ACOT11: variants seen among roughly 807,000 people sequenced by gnomAD.
ACOT11 encodes the protein acyl-CoA thioesterase 11.
In ACOT11, 69 loss-of-function variants were observed where a neutral mutation model predicts 77.5. That is an observed-to-expected ratio of 0.89 (90% CI 0.73 to 1.09). The LOEUF is 1.09. ACOT11 is among the 50% of genes least tolerant of loss of function. The probability of loss-of-function intolerance (pLI) is 0.00; values close to 1 mark genes in which losing one functional copy is unlikely to be tolerated. For missense variants in ACOT11, 766 were observed against 813.7 expected (o/e 0.94, Z 0.71); for synonymous variants, 279 against 313.0 (o/e 0.89, Z 1.15).
At chr1:54,629,644 A>T (rs1644289806) in intron 15 of ACOT11, among the ~76,000 whole-genome samples, 1 of 128,898 alleles carries the variant, frequency 7.8e-6, no homozygotes, top group South Asian at 2.6e-4. Flanking sequence ...GAGTGCAATG[A>T]TGTGTTCATG....
chr1:54,567,562 A>G (rs1439360752), intron 1 of ACOT11, among the ~76,000 whole-genome samples: 1 of 152,120 alleles, frequency 6.6e-6, no homozygotes, highest in African/African-American at 2.4e-5. Context: ...TACAGGCGTG[A>G]GCCACTGTGC....
chr1:54,612,592 G>A (rs1221868250), downstream of ACOT11: 2 of 1,614,116 alleles, frequency 1.2e-6, no homozygotes, highest in East Asian at 4.5e-5. Flanking sequence ...ACCAGCTCGT[G>A]CATCTTCTCC....
At chr1:54,575,458 G>C (rs997964494) in intron 1 of ACOT11, among the ~76,000 whole-genome samples, 1 of 152,146 alleles carries the variant, frequency 6.6e-6, no homozygotes, top group Non-Finnish European at 1.5e-5. Context: ...TCTAGAATGG[G>C]GTGAGGGGGC....
At chr1:54,581,382 G>A (rs551091931) in intron 1 of ACOT11, among the ~76,000 whole-genome samples, 9 of 152,296 alleles carry the variant, frequency 5.9e-5, no homozygotes, top group Middle Eastern at 3.4e-3. Context: ...AGAAGGAGCC[G>A]TGGCCCAGCA....
chr1:54,569,221 C>T (rs1653850780), intron 1 of ACOT11, among the ~76,000 whole-genome samples: 1 of 151,854 alleles, frequency 6.6e-6, no homozygotes, highest in South Asian at 2.1e-4. Context: ...CTCAGCCTCC[C>T]AAAGTGCTGG....
rs1654799871 is a variant in ACOT11, at chr1:54,593,836, AGGCCT to A, written c.373-97_373-93del. The A allele has an allele frequency of 7.5e-5, 69 of 920,620 alleles. 2 individuals are homozygous for A. In the South Asian group the frequency reaches 1.0e-3, roughly 14 times the overall value. 57.0% of individuals were successfully genotyped at this position (920,620 alleles called of 1,614,324 possible). A position where few individuals can be genotyped will look rare whatever the true frequency, so the allele number is the denominator to read the frequency against. On this transcript the variant is annotated intron_variant, in intron 4 of 15. Transcript: ENST00000343744. The stretch of plus-strand genomic sequence containing the variant: ...CTGGTAGGTGGTGCAGAAACTCTGG[AGGCCT>A]GGCCTGGGCTGGGACTTGCTGTCTG...
chr1:54,557,391 CAAAAAAAAAAA>C (rs71045195), intron 1 of ACOT11, among the ~76,000 whole-genome samples: 1 of 98,258 alleles, frequency 1.0e-5, no homozygotes, highest in Non-Finnish European at 2.1e-5. Flanking sequence ...GATTCCATCT[CAAAAAAAAAAA>C]AAAAAAAGAA....
intron 15 of ACOT11, among the ~76,000 whole-genome samples, chr1:54,625,993 G>T (rs1008854050): frequency 1.3e-5 from 2 of 151,504 alleles, no homozygotes; most frequent in African/African-American, 2.4e-5. Flanking sequence ...CAGCATGGTG[G>T]CTCACACCTG....
chr1:54,630,414 G>A (rs900186456), intron 15 of ACOT11, among the ~76,000 whole-genome samples: 5 of 152,174 alleles, frequency 3.3e-5, no homozygotes, highest in African/African-American at 7.2e-5. Context: ...GTGGGTTTAC[G>A]GGAATGACGG....
At chr1:54,552,839 T>G (rs929709347) in intron 1 of ACOT11, among the ~76,000 whole-genome samples, 3 of 149,998 alleles carry the variant, frequency 2.0e-5, no homozygotes, top group African/African-American at 7.4e-5. Flanking sequence ...TGTTTTTTTT[T>G]TTTTTGAGAC....
intron 1 of ACOT11, chr1:54,573,327 A>G (rs966975115): frequency 3.2e-5 from 25 of 783,804 alleles, no homozygotes; most frequent in Admixed American, 6.2e-5. Context: ...TTGTGTGCAT[A>G]TATGTGCAAG....
At chr1:54,635,075 T>A in exon 17 of ACOT11, 1 of 323,532 alleles carries the variant, frequency 3.1e-6, no homozygotes, top group South Asian at 8.1e-5. Flanking sequence ...GTATTTACCA[T>A]AATAAATCGG....
chr1:54,599,588 G>A, intron 8 of ACOT11, 173 bp downstream of exon 8: 1 of 788,378 alleles, frequency 1.3e-6, no homozygotes, highest in Non-Finnish European at 1.7e-6. Flanking sequence ...TCCCTTCTTG[G>A]GAGCCTTCCC....
chr1:54,619,862 A>C (rs1366014834), intron 15 of ACOT11: 31 of 1,613,542 alleles, frequency 1.9e-5, no homozygotes, highest in Non-Finnish European at 2.5e-5. Flanking sequence ...AGCTGGACTT[A>C]CTGTTCAGGG....
rs61261431 is a variant in ACOT11 at position 54,628,593 on chromosome 1, GCC to G, written c.1630-2130_1630-2129del. On this transcript the variant is annotated intron_variant, in intron 15 of 16. Coordinates refer to the ACOT11 transcript ENST00000371316. ...CTGGGCATCAGAGCAAGACCCCATC[GCC>G]CCCCCCCCCCAAAAAAGGAAAAAAG... Among the ~76,000 whole-genome samples, 638 of 70,322 alleles carry G rather than the reference GCC, an allele frequency of 9.1e-3. 74 individuals are homozygous for G. The highest frequency in any genetic ancestry group is 0.035 in the Middle Eastern group (4 of 114). The allele number at this position is 70,322 out of a possible 152,430, so 46.1% of individuals were successfully genotyped here. A position where few individuals can be genotyped will look rare whatever the true frequency, so the allele number is the denominator to read the frequency against.
At chr1:54,583,244 C>A (rs1654382095) in intron 1 of ACOT11, among the ~76,000 whole-genome samples, 1 of 152,132 alleles carries the variant, frequency 6.6e-6, no homozygotes, top group Non-Finnish European at 1.5e-5. Context: ...TACCCAGGGG[C>A]TCTTGGGAAT....
rs1366089509 is a variant in ACOT11 at position 54,609,028 on chromosome 1, T to C, written c.1701T>C (p.Ser567=). 6.2e-7 allele frequency: 1 copy of C among 1,606,998 alleles called. No homozygotes were observed. The change falls in exon 16 of 16, where the codon TCT becomes TCC. Residue 567 remains serine (S), a synonymous_variant. Transcript: ENST00000343744. Reference sequence around the variant, plus strand: ...CCACCAACGTGGCCGGCCTCTCCTCTGAGTTCTACACCACCTTCAAGGCTT... The same window carrying C: ...CCACCAACGTGGCCGGCCTCTCCTCCGAGTTCTACACCACCTTCAAGGCTT... ...YVTTNVAGLS[S]EFYTTFKACE... is the part of the protein sequence containing the mutation.
Position 54,637,059 on chromosome 1 carries a change from C to T in ACOT11, c.*2330C>T, listed in dbSNP as rs2101037407. Reference sequence around the variant, plus strand: ...AGTCTCCTATGTCTACTTCTTTCTACACAGACACAGTAACAATCTGATCTC... The same window carrying T: ...AGTCTCCTATGTCTACTTCTTTCTATACAGACACAGTAACAATCTGATCTC... On this transcript the variant is annotated 3_prime_UTR_variant, in exon 17 of 17. Transcript: ENST00000371316. The T allele has an allele frequency of 2.0e-5, 3 of 152,720 alleles. No individual in the cohort carries two copies. The Middle Eastern group carries it at 0.01, about 516-fold the overall frequency. The allele number at this position is 152,720 out of a possible 1,614,324, so 9.5% of individuals were successfully genotyped here.
intron 3 of ACOT11, among the ~76,000 whole-genome samples, chr1:54,586,874 A>T (rs970135714): frequency 1.3e-5 from 2 of 152,270 alleles, no homozygotes; most frequent in African/African-American, 4.8e-5. Flanking sequence ...TCAGCCCAGG[A>T]CAGGCTGCAG....
Sources: gnomAD v4.1 joint callset for allele counts (sites outside exome capture counted in the v4.1 genomes callset) on GRCh38, gnomAD v4.1.1 for gene constraint, MANE v1.5 for transcripts, NCBI Gene and HGNC (gene_info 2026-07-23, HGNC 2026-07-21) for gene names.